The following MUC12 variants were observed in gnomAD, a reference collection of about 807,000 sequenced individuals.
MUC12 encodes the protein mucin-12.
Under a neutral mutation model 230.8 loss-of-function variants are expected in MUC12, and 172 were observed. That is an observed-to-expected ratio of 0.75 (90% CI 0.66 to 0.85). MUC12 has a LOEUF of 0.85. Among genes scored for constraint, MUC12 ranks in the 40% least tolerant of loss-of-function variants. The pLI is 0.00. For synonymous variants in MUC12, 1,259 were observed against 2,401.9 expected (o/e 0.52, Z 13.91); for missense variants, 3,506 against 5,920.6 (o/e 0.59, Z 13.38).
In MUC12 at chr7:100,995,904, A is replaced by C. The variant is rs1168458945; in HGVS notation, c.5341A>C (p.Thr1781Pro). Reference sequence around the variant, plus strand: ...CCACAGCAGCCCGGGCTCAACTCAAACAATGCACTTCCCTGAAAGCTCCAC... The same window carrying C: ...CCACAGCAGCCCGGGCTCAACTCAACCAATGCACTTCCCTGAAAGCTCCAC... ...AYHSSPGSTQ[T>P]MHFPESSTAS... Residue 1781 changes from threonine to proline, a missense_variant, in exon 2 of 12, where the codon ACA (threonine) becomes CCA (proline). Coordinates refer to ENST00000536621, the MANE Select transcript of MUC12 (RefSeq NM_001164462.2). 2.5e-5 allele frequency: 33 copies of C among 1,342,408 alleles called. No individual in the cohort carries two copies. The African/African-American group carries it at 3.9e-4, about 16-fold the overall frequency. 83.2% of individuals were successfully genotyped at this position (1,342,408 alleles called of 1,614,324 possible). A position where few individuals can be genotyped will look rare whatever the true frequency, so the allele number is the denominator to read the frequency against.
chr7:101,004,465 C>T lies in MUC12; in HGVS notation c.13902C>T (p.His4634=), dbSNP rs1480692874. Residue 4634 remains histidine (H), a synonymous_variant, in exon 2 of 12, where the codon CAC becomes CAT. Coordinates refer to ENST00000536621, the MANE Select transcript of MUC12 (RefSeq NM_001164462.2). The stretch of plus-strand genomic sequence containing the variant: ...GTAGTGAAGAATCAAGAACTTCCCA[C>T]AGCAGCACAACACACACAATATCTT... ...SGRSEESRTS[H]SSTTHTISSP... The T allele has an allele frequency of 1.2e-5, 19 of 1,529,910 alleles. No individual in the cohort carries two copies. The highest frequency in any genetic ancestry group is 2.0e-5 in the Admixed American group (1 of 49,970). 94.8% of individuals were successfully genotyped at this position (1,529,910 alleles called of 1,614,324 possible).
At chr7:101,017,732 C>CGGGACTCCCCTCTCCCCCT in intron 11 of MUC12, 69 bp downstream of exon 11, 1 of 1,133,410 alleles carries the variant, frequency 8.8e-7, no homozygotes. Context: ...CCTCTTCCCC[C>CGGGACTCCCCTCTCCCCCT]GGGACTCCCT....
intron 4 of MUC12, 32 bp downstream of exon 4, chr7:101,008,793 G>A (rs373074624): frequency 6.6e-7 from 1 of 1,526,618 alleles, no homozygotes; most frequent in Non-Finnish European, 8.8e-7. Flanking sequence ...ACACCCCAGG[G>A]TGATGTCCCA....
chr7:101,013,313 A>G (rs1793865607), intron 8 of MUC12, among the ~76,000 whole-genome samples, 171 bp downstream of exon 8: 1 of 152,186 alleles, frequency 6.6e-6, no homozygotes, highest in African/African-American at 2.4e-5. Flanking sequence ...CACACCCACA[A>G]GAGTGAGGAG....
At position 100,992,284 on chromosome 7, in the gene MUC12, G is replaced by C. The variant is rs1312043851; in HGVS notation, c.1721G>C (p.Gly574Ala). The part of the protein sequence containing the change: ...SPGSTTASSL[G>A]PEYTTFHSRP... ...GGCAGTACCACAGCATCATCCCTTG[G>C]TCCAGAATATACTACCTTCCACAGC... is the stretch of plus-strand genomic sequence containing the variant. Residue 574 changes from glycine to alanine, a missense_variant, in exon 2 of 12, where the codon GGT becomes GCT. Coordinates refer to ENST00000536621, the MANE Select transcript of MUC12 (RefSeq NM_001164462.2). 2 of 1,536,748 alleles carry C rather than the reference G, an allele frequency of 1.3e-6. No homozygotes were observed. The highest frequency in any genetic ancestry group is 1.4e-5 in the African/African-American group (1 of 72,958).
intron 5 of MUC12, among the ~76,000 whole-genome samples, chr7:101,011,137 T>A (rs1477215251): frequency 1.3e-5 from 2 of 151,948 alleles, no homozygotes; most frequent in Admixed American, 6.6e-5. Flanking sequence ...CAGTGGAGAA[T>A]GGAAAGAGGC....
At position 101,004,735 on chromosome 7, in the gene MUC12, A is replaced by T; in HGVS notation, c.14172A>T (p.Thr4724=). 2.0e-6 allele frequency: 3 copies of T among 1,536,994 alleles called. No individual in the cohort carries two copies. The highest frequency in any genetic ancestry group is 2.6e-6 in the Non-Finnish European group (3 of 1,146,374). The change falls in exon 2 of 12, where the codon ACA becomes ACT. Residue 4724 remains threonine (T), a synonymous_variant. Transcript: ENST00000536621. ...TCTCTCCAGGCTCAATGGAAACAAC[A>T]TTAGCCAGCACTGCCACAACACCAG... ...FYISPGSMET[T]LASTATTPGL...
intron 2 of MUC12, 62 bp downstream of exon 2, chr7:101,005,581 T>TTCATCCATTACAA: frequency 4.8e-6 from 7 of 1,457,050 alleles, no homozygotes; most frequent in Non-Finnish European, 6.4e-6. Context: ...ATGAGTCTTC[T>TTCATCCATTACAA]TCATCCATTA....
rs748976700 is a variant in MUC12, at chr7:101,004,547, C to G, written c.13984C>G (p.Pro4662Ala). ...VEEPTSYHSS[P>A]GSIATTHFPE... ...AGAACCTACCAGCTACCACAGCAGC[C>G]CGGGCTCAATTGCAACAACACACTT... Residue 4662 changes from proline (P) to alanine (A), a missense_variant, in exon 2 of 12, where the codon CCG becomes GCG. Coordinates refer to ENST00000536621, the MANE Select transcript of MUC12 (RefSeq NM_001164462.2). 2.6e-6 allele frequency: 4 copies of G among 1,537,136 alleles called. No homozygotes were observed. Among genetic ancestry groups the G allele is most frequent in the Admixed American group, 3.9e-5 (2 of 50,902 alleles).
Position 101,004,400 on chromosome 7 carries a change from CA to C in MUC12, c.13840del (p.Thr4614GlnfsTer112). 6.7e-7 allele frequency: 1 copy of C among 1,491,326 alleles called. No homozygotes were observed. Among genetic ancestry groups the C allele is most frequent in the South Asian group, 1.2e-5 (1 of 81,844 alleles). 92.4% of individuals were successfully genotyped at this position (1,491,326 alleles called of 1,614,324 possible). A position where few individuals can be genotyped will look rare whatever the true frequency, so the allele number is the denominator to read the frequency against. On this transcript the variant is annotated frameshift_variant, in exon 2 of 12. Transcript: ENST00000536621. LOFTEE classifies it high-confidence loss of function. ...TAYHSSPGST[Q>X]TMHFPESSTA... is the part of the protein sequence containing the mutation. ...GTACCACAGCAGCCCGGGCTCAACT[CA>C]AACAATGCACTTCCCTGAAAGCTCC...
chr7:101,013,966 T>C lies in MUC12; in HGVS notation c.15692T>C (p.Ile5231Thr), dbSNP rs369951785. ...TGGGGAGAGACCTGTGAATTCAACA[T>C]CGCCAAGAGCCTCGTGTATGGGATC... ...WYWGETCEFN[I>T]AKSLVYGIVG... Residue 5231 changes from isoleucine (I) to threonine (T), a missense_variant, in exon 9 of 12, where the codon ATC (isoleucine) becomes ACC (threonine). Coordinates refer to ENST00000536621, the MANE Select transcript of MUC12 (RefSeq NM_001164462.2). The C allele has an allele frequency of 5.2e-5, 80 of 1,536,426 alleles. No homozygotes were observed. The highest frequency in any genetic ancestry group is 3.3e-4 in the Middle Eastern group (2 of 6,012).
At position 101,004,614 on chromosome 7, in the gene MUC12, C is replaced by G. The variant is rs752261023; in HGVS notation, c.14051C>G (p.Thr4684Arg). 2.0e-6 allele frequency: 3 copies of G among 1,536,840 alleles called. No individual in the cohort carries two copies. The highest frequency in any genetic ancestry group is 1.2e-5 in the South Asian group (1 of 84,022). Residue 4684 changes from threonine to arginine, a missense_variant, in exon 2 of 12, where the codon ACA (threonine) becomes AGA (arginine). Transcript: ENST00000536621. ...ACCTCCGGCCGTAGTGAGGAATCAACAGCATCCCACAGCAGCCCAGATACA... is the reference window on the plus strand; with the variant it reads ...ACCTCCGGCCGTAGTGAGGAATCAAGAGCATCCCACAGCAGCCCAGATACA... ...STTSGRSEES[T>R]ASHSSPDTNG...
Position 100,995,651 on chromosome 7 carries a change from G to A in MUC12, c.5088G>A (p.Lys1696=), listed in dbSNP as rs1448087288. The A allele has an allele frequency of 2.0e-6, 3 of 1,537,050 alleles. No individual in the cohort carries two copies. Among genetic ancestry groups the A allele is most frequent in the Non-Finnish European group, 2.6e-6 (3 of 1,147,028 alleles). Residue 1696 remains lysine (K), a synonymous_variant, in exon 2 of 12, where the codon AAG becomes AAA. Coordinates refer to ENST00000536621, the MANE Select transcript of MUC12 (RefSeq NM_001164462.2). ...STTFQSWPSS[K]DTMPAPPTTT... Reference sequence around the variant, plus strand: ...CCTTCCAGAGCTGGCCAAGCTCAAAGGACACTATGCCTGCACCTCCTACTA... The same window carrying A: ...CCTTCCAGAGCTGGCCAAGCTCAAAAGACACTATGCCTGCACCTCCTACTA...
chr7:101,007,854 G>A (rs1164095539), intron 3 of MUC12, among the ~76,000 whole-genome samples: 1 of 152,038 alleles, frequency 6.6e-6, no homozygotes, highest in African/African-American at 2.4e-5. Flanking sequence ...CTGGAGTGCA[G>A]TGGCATGATC....
At position 101,004,481 on chromosome 7, in the gene MUC12, A is replaced by G; in HGVS notation, c.13918A>G (p.Thr4640Ala). The change falls in exon 2 of 12, where the codon ACA (threonine) becomes GCA (alanine). Residue 4640 changes from threonine (T) to alanine (A), a missense_variant. By Grantham distance (58) the Thr-to-Ala change is moderately conservative. Transcript: ENST00000536621. ...SRTSHSSTTHTISSPPSTTSA... is the reference protein window; with the variant it reads ...SRTSHSSTTHAISSPPSTTSA... ...AACTTCCCACAGCAGCACAACACAC[A>G]CAATATCTTCACCTCCTAGCACCAC... 1 of 1,531,878 alleles carries G rather than the reference A, an allele frequency of 6.5e-7. No individual in the cohort carries two copies. The highest frequency in any genetic ancestry group is 8.7e-7 in the Non-Finnish European group (1 of 1,145,548). The allele number at this position is 1,531,878 out of a possible 1,614,324, so 94.9% of individuals were successfully genotyped here.
rs1793088621 is a variant in MUC12, at chr7:100,980,363, T to C, written c.68-10268T>C. Reference sequence around the variant, plus strand: ...AGCCTGAAGAAATACCCCCTTAACCTTAACATTCAGATAAACATTGTTAAC... The same window carrying C: ...AGCCTGAAGAAATACCCCCTTAACCCTAACATTCAGATAAACATTGTTAAC... On this transcript the variant is annotated intron_variant, in intron 1 of 11. Coordinates refer to ENST00000536621, the MANE Select transcript of MUC12 (RefSeq NM_001164462.2). 2.0e-5 allele frequency among the ~76,000 whole-genome samples: 3 copies of C among 152,144 alleles called. No homozygotes were observed. The South Asian group carries it at 6.2e-4, about 31-fold the overall frequency.
At chr7:100,975,192 G>A (rs1793003852) in intron 1 of MUC12, among the ~76,000 whole-genome samples, 14 of 152,322 alleles carry the variant, frequency 9.2e-5, no homozygotes, top group African/African-American at 3.4e-4. Context: ...GGATCCACAC[G>A]ATGACTGGAA....
At chr7:100,984,832 A>G (rs941250116) in intron 1 of MUC12, among the ~76,000 whole-genome samples, 2 of 151,996 alleles carry the variant, frequency 1.3e-5, no homozygotes, top group South Asian at 2.1e-4. Context: ...GCTACCCCTT[A>G]CTGGTTTGGT....
At position 101,006,492 on chromosome 7, in the gene MUC12, T is replaced by C; in HGVS notation, c.14978T>C (p.Ile4993Thr). The change falls in exon 3 of 12, where the codon ATT (isoleucine) becomes ACT (threonine). Residue 4993 changes from isoleucine (I) to threonine (T), a missense_variant. Coordinates refer to ENST00000536621, the MANE Select transcript of MUC12 (RefSeq NM_001164462.2). ...ACAGGGTTGTGCCAGGAAGGACAAA[T>C]TTGGAATGGAAAACAATGCGTCTGT... The part of the protein sequence containing the change: ...LAPGLCQEGQ[I>T]WNGKQCVCPQ... 6.5e-7 allele frequency: 1 copy of C among 1,537,114 alleles called. No homozygotes were observed. The highest frequency in any genetic ancestry group is 8.7e-7 in the Non-Finnish European group (1 of 1,146,884).
Sources: gnomAD v4.1 joint callset for allele counts (sites outside exome capture counted in the v4.1 genomes callset) on GRCh38, gnomAD v4.1.1 for gene constraint, MANE v1.5 for transcripts, NCBI Gene and HGNC (gene_info 2026-07-23, HGNC 2026-07-21) for gene names.